CRIM1: variants seen among roughly 807,000 people sequenced by gnomAD.
CRIM1 encodes cysteine rich transmembrane BMP regulator 1, also known as cysteine-rich motor neuron 1 protein.
Under a neutral mutation model 116.4 loss-of-function variants are expected in CRIM1, and 32 were observed. The observed-to-expected ratio is 0.27, with a 90% confidence interval of 0.21 to 0.37. CRIM1 has a LOEUF of 0.37. CRIM1 is among the 10% of genes least tolerant of loss of function. The pLI, the probability that CRIM1 is intolerant of heterozygous loss-of-function variation, is 1.00. For synonymous variants in CRIM1, 590 were observed against 509.2 expected (o/e 1.16, Z -2.13); for missense variants, 1,331 against 1,354.8 (o/e 0.98, Z 0.28).
chr2:36,472,952 G>T (rs1482747911), intron 5 of CRIM1, among the ~76,000 whole-genome samples: 1 of 152,118 alleles, frequency 6.6e-6, no homozygotes, highest in Non-Finnish European at 1.5e-5. Flanking sequence ...CTGAAAAAAT[G>T]TTGTATCCAT....
intron 11 of CRIM1, among the ~76,000 whole-genome samples, chr2:36,515,794 C>T (rs1212536447): frequency 6.6e-6 from 1 of 152,236 alleles, no homozygotes; most frequent in Non-Finnish European, 1.5e-5. Flanking sequence ...TGACCACTTC[C>T]GTACATGTCA....
chr2:36,447,171 C>T (rs1243721586), intron 4 of CRIM1, among the ~76,000 whole-genome samples: 3 of 152,130 alleles, frequency 2.0e-5, no homozygotes, highest in African/African-American at 7.2e-5. Context: ...AAGAGACTTG[C>T]AGAAAATCAC....
At chr2:36,390,574 G>T (rs899579716) in intron 1 of CRIM1, among the ~76,000 whole-genome samples, 2 of 151,988 alleles carry the variant, frequency 1.3e-5, no homozygotes, top group African/African-American at 4.8e-5. Context: ...TTTTATGGGG[G>T]TTTTTTGTTT....
In CRIM1 at chr2:36,547,178, T is replaced by C. The variant is rs1315055474; in HGVS notation, c.2934+7T>C. 1.2e-6 allele frequency: 2 copies of C among 1,604,668 alleles called. No homozygotes were observed. The highest frequency in any genetic ancestry group is 1.3e-5 in the African/African-American group (1 of 74,404). On this transcript the variant is annotated splice_region_variant and intron_variant, in intron 16 of 16. Coordinates refer to ENST00000280527, the MANE Select transcript of CRIM1 (RefSeq NM_016441.3). ...GTATCGAACACCAACTAAGGTACTG[T>C]CTTGCAAAAGTTAGTCTCTTGAATG...
At chr2:36,522,942 A>G (rs1665507971) in intron 13 of CRIM1, among the ~76,000 whole-genome samples, 2 of 150,500 alleles carry the variant, frequency 1.3e-5, no homozygotes, top group African/African-American at 2.4e-5. Flanking sequence ...TCTCCAGCCT[A>G]TTTTTTACAG....
At chr2:36,412,325 G>T (rs1442905215) in intron 2 of CRIM1, among the ~76,000 whole-genome samples, 1 of 152,152 alleles carries the variant, frequency 6.6e-6, no homozygotes, top group Non-Finnish European at 1.5e-5. Context: ...CAAAGGTAAA[G>T]ATCGACATAG....
At chr2:36,410,811 A>G (rs1673146639) in intron 2 of CRIM1, among the ~76,000 whole-genome samples, 1 of 152,026 alleles carries the variant, frequency 6.6e-6, no homozygotes, top group East Asian at 1.9e-4. Context: ...AACAGTGTAC[A>G]TGAAAAGACA....
intron 1 of CRIM1, chr2:36,379,119 A>G (rs1382460908): frequency 6.6e-6 from 1 of 152,220 alleles, no homozygotes; most frequent in Non-Finnish European, 1.5e-5. Context: ...ACAAATTTTA[A>G]TAACTTGTCT....
In CRIM1 at chr2:36,409,660, C is replaced by T. The variant is rs557750524; in HGVS notation, c.505+12873C>T. 3.3e-5 allele frequency among the ~76,000 whole-genome samples: 5 copies of T among 152,318 alleles called. No individual in the cohort carries two copies. The East Asian group carries it at 9.6e-4, about 29-fold the overall frequency. On this transcript the variant is annotated intron_variant, in intron 2 of 16. Transcript: ENST00000280527. The stretch of plus-strand genomic sequence containing the variant: ...TATGCCCGGTAGACATTCTAGAAGA[C>T]ATTGATAAACAAGAATCAAAGCTAA...
At chr2:36,477,151 C>G (rs1381726693) in intron 6 of CRIM1, 80 bp downstream of exon 6, 14 of 1,159,568 alleles carry the variant, frequency 1.2e-5, no homozygotes, top group Admixed American at 6.0e-5. Flanking sequence ...CTAATTCAGT[C>G]TCATCCAAAA....
intron 2 of CRIM1, among the ~76,000 whole-genome samples, chr2:36,426,668 C>T (rs1046594921): frequency 6.6e-6 from 1 of 152,138 alleles, no homozygotes; most frequent in Non-Finnish European, 1.5e-5. Flanking sequence ...AGTAGAAATT[C>T]ACATTGAGCC....
chr2:36,420,738 GCA>G (rs1673990880), intron 2 of CRIM1, among the ~76,000 whole-genome samples: 5 of 152,208 alleles, frequency 3.3e-5, no homozygotes, highest in African/African-American at 1.2e-4. Flanking sequence ...AGAAAGGAGA[GCA>G]CAGTCGACAC....
chr2:36,544,874 T>G (rs537413485), intron 15 of CRIM1, among the ~76,000 whole-genome samples: 1 of 152,222 alleles, frequency 6.6e-6, no homozygotes, highest in South Asian at 2.1e-4. Flanking sequence ...CTGTCTCTTG[T>G]AGATTCCGCA....
chr2:36,513,348 C>A, intron 10 of CRIM1: 2 of 543,594 alleles, frequency 3.7e-6, no homozygotes, highest in South Asian at 2.6e-5. Context: ...TGGAGAGAAA[C>A]TATTTGCCGG....
intron 13 of CRIM1, among the ~76,000 whole-genome samples, chr2:36,534,689 CAGGA>C (rs1666404543): frequency 7.5e-6 from 1 of 132,492 alleles, no homozygotes; most frequent in Admixed American, 8.0e-5. Context: ...AAAAGGAAGA[CAGGA>C]AGAAGGAAAA....
Position 36,495,227 on chromosome 2 carries a change from C to G in CRIM1, c.1373-3992C>G, listed in dbSNP as rs144379450. On this transcript the variant is annotated intron_variant, in intron 7 of 16. Coordinates refer to ENST00000280527, the MANE Select transcript of CRIM1 (RefSeq NM_016441.3). ...GCTTGTATTCTCCGACACACAGTTT[C>G]AGTGCCATACCCCCTGTAACATAGG... Among the ~76,000 whole-genome samples, 373 of 152,280 alleles carry G rather than the reference C, an allele frequency of 2.4e-3. 1 individual carries two copies. Among genetic ancestry groups the G allele is most frequent in the African/African-American group, 8.3e-3 (344 of 41,560 alleles).
intron 14 of CRIM1, among the ~76,000 whole-genome samples, chr2:36,541,546 T>C (rs1666942984): frequency 6.6e-6 from 1 of 152,136 alleles, no homozygotes; most frequent in African/African-American, 2.4e-5. Flanking sequence ...CCCAAAAAAA[T>C]GCTGACCTCA....
chr2:36,454,610 G>A (rs1374096559), intron 4 of CRIM1, among the ~76,000 whole-genome samples: 1 of 152,094 alleles, frequency 6.6e-6, no homozygotes, highest in Non-Finnish European at 1.5e-5. Flanking sequence ...AGTAGTTCTT[G>A]GGGCTGAATT....
At chr2:36,498,917 T>C (rs1431244033) in intron 7 of CRIM1, among the ~76,000 whole-genome samples, 1 of 152,230 alleles carries the variant, frequency 6.6e-6, no homozygotes, top group African/African-American at 2.4e-5. Context: ...ACAGAGTTCA[T>C]GTTAACCTCT....
Sources: allele counts gnomAD v4.1 joint callset (sites outside exome capture counted in the v4.1 genomes callset), GRCh38; gene constraint gnomAD v4.1.1; transcripts MANE v1.5; gene names NCBI Gene and HGNC (gene_info 2026-07-23, HGNC 2026-07-21).